CLASP2: variants seen among roughly 807,000 people sequenced by gnomAD.
The protein encoded by CLASP2 is CLIP-associating protein 2.
In CLASP2, 47 loss-of-function variants were observed where a neutral mutation model predicts 194.4. The observed-to-expected ratio is 0.24, with a 90% CI of 0.19 to 0.31. The LOEUF (loss-of-function observed/expected upper bound fraction) is 0.31. CLASP2 is among the 10% of genes least tolerant of loss of function. The pLI is 1.00. For synonymous variants in CLASP2, 619 were observed against 633.5 expected (o/e 0.98, Z 0.34); for missense variants, 1,445 against 1,823.6 (o/e 0.79, Z 3.78).
chr3:33,654,380 C>A (rs1284214372), intron 7 of CLASP2, among the ~76,000 whole-genome samples: 1 of 152,000 alleles, frequency 6.6e-6, no homozygotes, highest in Non-Finnish European at 1.5e-5. Flanking sequence ...TTTTGTTTGT[C>A]AAAGTTAAAA....
chr3:33,663,859 A>G (rs929722295), intron 6 of CLASP2, among the ~76,000 whole-genome samples: 1 of 152,170 alleles, frequency 6.6e-6, no homozygotes, highest in African/African-American at 2.4e-5. Flanking sequence ...TCAGTCACCA[A>G]GACATCTTTT....
intron 34 of CLASP2, among the ~76,000 whole-genome samples, chr3:33,533,534 A>T (rs2056747540): frequency 1.3e-5 from 2 of 152,202 alleles, no homozygotes; most frequent in Admixed American, 1.3e-4. Context: ...TAATCAAGGA[A>T]ATGTACATTC....
chr3:33,634,054 C>G (rs146179482), intron 8 of CLASP2, among the ~76,000 whole-genome samples: 1 of 152,188 alleles, frequency 6.6e-6, no homozygotes, highest in East Asian at 1.9e-4. Context: ...TAGAACTTGG[C>G]GGTGTAACTG....
chr3:33,715,847 TAAAAAAAAAA>T (rs59528446), intron 1 of CLASP2, among the ~76,000 whole-genome samples: 16 of 62,170 alleles, frequency 2.6e-4, no homozygotes, highest in South Asian at 9.1e-4. Context: ...GTATCTTAAG[TAAAAAAAAAA>T]AAAAAAAAAA....
chr3:33,544,740 C>G lies in CLASP2; in HGVS notation c.3255G>C (p.Lys1085Asn), dbSNP rs1425258753. The G allele has an allele frequency of 6.2e-7, 1 of 1,613,234 alleles. No homozygotes were observed. Among genetic ancestry groups the G allele is most frequent in the Non-Finnish European group, 8.5e-7 (1 of 1,179,540 alleles). ...TGTTTCGAAGGTGATTATGAAGAAG[C>G]TTGGTAGCACCATCCTGAAAAGTTT... The part of the protein sequence containing the change: ...LPKTFQDGAT[K>N]LLHNHLRNTG... The change falls in exon 31 of 39, where the codon AAG (lysine) becomes AAC (asparagine). Residue 1085 changes from lysine (K) to asparagine (N), a missense_variant. Physicochemically the swap from Lys to Asn is moderately conservative, Grantham distance 94 (BLOSUM62 0). This residue lies in a region of CLASP2 where 732 missense variants were observed against 987.9 expected (regional missense o/e 0.74). Transcript: ENST00000682230.
chr3:33,535,794 C>A (rs975393890), intron 33 of CLASP2, among the ~76,000 whole-genome samples: 1 of 151,356 alleles, frequency 6.6e-6, no homozygotes, highest in Non-Finnish European at 1.5e-5. Flanking sequence ...GTTAAAGATA[C>A]AAAAGAACTT....
At chr3:33,635,619 T>C (rs1386658237) in intron 8 of CLASP2, among the ~76,000 whole-genome samples, 1 of 152,172 alleles carries the variant, frequency 6.6e-6, no homozygotes, top group Non-Finnish European at 1.5e-5. Flanking sequence ...GAAATTTTGA[T>C]ATATGAAAAA....
rs1026798841 is a variant in CLASP2 at position 33,516,081 on chromosome 3, T to C, written c.4052A>G (p.Asn1351Ser). 1.2e-6 allele frequency: 2 copies of C among 1,610,402 alleles called. No homozygotes were observed. Among genetic ancestry groups the C allele is most frequent in the South Asian group, 1.1e-5 (1 of 90,454 alleles). Residue 1351 changes from asparagine (N) to serine (S), a missense_variant, in exon 36 of 39, where the codon AAC (asparagine) becomes AGC (serine). This residue lies in a region of CLASP2 where 732 missense variants were observed against 987.9 expected (regional missense o/e 0.74). Coordinates refer to ENST00000682230, the MANE Select transcript of CLASP2 (RefSeq NM_001365631.1). ...TTTCATGACAGTCAATTCTGCATAG[T>C]TTTTAAATCTTGCTGGTTGATGCCT... The part of the protein sequence containing the change: ...ILRHQPARFK[N>S]YAELTVMKTL...
intron 8 of CLASP2, among the ~76,000 whole-genome samples, chr3:33,634,100 G>A (rs1334601784): frequency 6.6e-6 from 1 of 152,136 alleles, no homozygotes; most frequent in Non-Finnish European, 1.5e-5. Flanking sequence ...ATCAGAGAAA[G>A]AAGAGATCAC....
At chr3:33,562,149 G>A (rs974591539) in intron 27 of CLASP2, among the ~76,000 whole-genome samples, 3 of 152,164 alleles carry the variant, frequency 2.0e-5, no homozygotes, top group African/African-American at 2.4e-5. Flanking sequence ...TGCTTAAGAC[G>A]CTGTATACCT....
At chr3:33,679,539 T>C (rs2089437332) in intron 6 of CLASP2, among the ~76,000 whole-genome samples, 1 of 151,992 alleles carries the variant, frequency 6.6e-6, no homozygotes, top group African/African-American at 2.4e-5. Flanking sequence ...AACTCAACAA[T>C]AAGGAAGTTA....
At chr3:33,541,568 A>G (rs2058371573) in intron 32 of CLASP2, among the ~76,000 whole-genome samples, 1 of 152,070 alleles carries the variant, frequency 6.6e-6, no homozygotes, top group Admixed American at 6.6e-5. Flanking sequence ...TCCTACTTGT[A>G]AGTGAGAACA....
chr3:33,636,471 T>C (rs1366027881), intron 8 of CLASP2, among the ~76,000 whole-genome samples: 2 of 151,436 alleles, frequency 1.3e-5, no homozygotes, highest in Non-Finnish European at 2.9e-5. Context: ...ATAACACAAT[T>C]CTCCAACATA....
At chr3:33,535,651 AAT>A (rs2057186640) in intron 33 of CLASP2, among the ~76,000 whole-genome samples, 190 bp from the exon 34 acceptor site, 1 of 152,220 alleles carries the variant, frequency 6.6e-6, no homozygotes, top group Non-Finnish European at 1.5e-5. Context: ...AAAGCTTAAA[AAT>A]ATAAACTACA....
chr3:33,679,926 C>A (rs2089502756), intron 6 of CLASP2, among the ~76,000 whole-genome samples: 1 of 152,172 alleles, frequency 6.6e-6, no homozygotes, highest in African/African-American at 2.4e-5. Flanking sequence ...ACAAAGCCTG[C>A]AAACTCACAT....
intron 23 of CLASP2, among the ~76,000 whole-genome samples, chr3:33,579,049 C>A (rs560153287): frequency 1.3e-5 from 2 of 152,240 alleles, no homozygotes; most frequent in African/African-American, 2.4e-5. Context: ...ATAGCAAGAA[C>A]AACTTAATCT....
chr3:33,665,731 G>A (rs2086064864), intron 6 of CLASP2, among the ~76,000 whole-genome samples: 1 of 151,988 alleles, frequency 6.6e-6, no homozygotes, highest in Admixed American at 6.6e-5. Context: ...TTTTCTACGT[G>A]GCCCTCACTG....
At chr3:33,521,815 T>C (rs2053170819) in intron 34 of CLASP2, among the ~76,000 whole-genome samples, 1 of 152,208 alleles carries the variant, frequency 6.6e-6, no homozygotes, top group Non-Finnish European at 1.5e-5. Context: ...AGGGAAGGTC[T>C]TGGATGGTAA....
At chr3:33,542,678 T>C (rs1303199790) in intron 32 of CLASP2, among the ~76,000 whole-genome samples, 4 of 150,980 alleles carry the variant, frequency 2.6e-5, no homozygotes, top group Non-Finnish European at 5.9e-5. Flanking sequence ...ATGATACATA[T>C]ATAATGTCAT....
Sources: gnomAD v4.1 joint callset for allele counts (sites outside exome capture counted in the v4.1 genomes callset) on GRCh38, gnomAD v4.1.1 for gene constraint, gnomAD v4.1.1 regional missense constraint, MANE v1.5 for transcripts, NCBI Gene and HGNC (gene_info 2026-07-23, HGNC 2026-07-21) for gene names.